The following CNTNAP5 variants were observed in gnomAD, a reference collection of about 807,000 sequenced individuals.
The protein encoded by CNTNAP5 is contactin associated protein family member 5.
CNTNAP5 carries 72 observed loss-of-function variants against 150.2 expected under a neutral mutation model. The ratio of observed to expected loss-of-function variants is 0.48; its 90% CI spans 0.40 to 0.58. CNTNAP5 has a LOEUF of 0.58. Among genes scored for constraint, CNTNAP5 ranks in the 20% least tolerant of loss-of-function variants. The probability of loss-of-function intolerance (pLI) is 0.00; values close to 1 mark genes in which losing one functional copy is unlikely to be tolerated. For missense variants in CNTNAP5, 1,636 were observed against 1,626.2 expected (o/e 1.01, Z -0.10); for synonymous variants, 672 against 619.8 (o/e 1.08, Z -1.25).
intron 21 of CNTNAP5, among the ~76,000 whole-genome samples, chr2:124,875,439 A>G (rs536579481): frequency 1.1e-3 from 166 of 152,156 alleles, no homozygotes; most frequent in African/African-American, 3.8e-3. Context: ...CTTTTTGGAG[A>G]CAAATTGACC....
At chr2:124,753,034 C>T (rs1680763360) in intron 14 of CNTNAP5, among the ~76,000 whole-genome samples, 1 of 152,166 alleles carries the variant, frequency 6.6e-6, no homozygotes, top group African/African-American at 2.4e-5. Flanking sequence ...GGCAGTAGAA[C>T]ATTCTTTTAT....
At chr2:124,283,234 A>G (rs559472978) in intron 3 of CNTNAP5, among the ~76,000 whole-genome samples, 1 of 152,080 alleles carries the variant, frequency 6.6e-6, no homozygotes, top group African/African-American at 2.4e-5. Context: ...GCTGGAGAGC[A>G]TTTTCCCCTC....
chr2:124,867,872 G>T (rs1228083293), intron 20 of CNTNAP5, among the ~76,000 whole-genome samples: 1 of 152,120 alleles, frequency 6.6e-6, no homozygotes, highest in Non-Finnish European at 1.5e-5. Context: ...TTAGGCATTG[G>T]AATATTTAAG....
chr2:124,636,076 C>A (rs1471299527), intron 12 of CNTNAP5, among the ~76,000 whole-genome samples: 1 of 152,100 alleles, frequency 6.6e-6, no homozygotes, highest in Non-Finnish European at 1.5e-5. Flanking sequence ...TGTAAAGCTC[C>A]TTTGAAAGTC....
intron 3 of CNTNAP5, among the ~76,000 whole-genome samples, chr2:124,411,078 A>G (rs1270734094): frequency 6.6e-6 from 1 of 152,232 alleles, no homozygotes; most frequent in Admixed American, 6.5e-5. Flanking sequence ...AATACAAACT[A>G]CCATCAGAGA....
At chr2:124,498,833 A>G (rs1694210010) in intron 7 of CNTNAP5, among the ~76,000 whole-genome samples, 1 of 152,164 alleles carries the variant, frequency 6.6e-6, no homozygotes, top group Non-Finnish European at 1.5e-5. Flanking sequence ...GATTCAGATG[A>G]TCCCCAAATC....
At chr2:124,101,078 T>A (rs73954554) in intron 1 of CNTNAP5, among the ~76,000 whole-genome samples, 1,529 of 152,208 alleles carry the variant, frequency 0.01, 25 homozygotes, top group African/African-American at 0.035. Context: ...TAGAACTTGG[T>A]CAACCCTTGA....
chr2:124,789,801 AC>A lies in CNTNAP5; in HGVS notation c.2753-100del. On this transcript the variant is annotated intron_variant, in intron 17 of 23. Transcript: ENST00000682447. ...AAAAAAATTAATTTAGACCTTCATGACAACAGAGAACTACTTAACTCTTACC... is the reference window on the plus strand; with the variant it reads ...AAAAAAATTAATTTAGACCTTCATGAAACAGAGAACTACTTAACTCTTACC... The A allele has an allele frequency of 2.8e-6, 3 of 1,062,540 alleles. No homozygotes were observed. In the South Asian group the frequency reaches 5.3e-5, roughly 19 times the overall value. The allele number at this position is 1,062,540 out of a possible 1,614,324, so 65.8% of individuals were successfully genotyped here.
intron 4 of CNTNAP5, among the ~76,000 whole-genome samples, chr2:124,424,900 G>A (rs1376544684): frequency 6.6e-6 from 1 of 152,188 alleles, no homozygotes; most frequent in African/African-American, 2.4e-5. Flanking sequence ...AAAATACACA[G>A]CTAACACTGT....
chr2:124,584,192 A>G (rs1185262372), intron 11 of CNTNAP5, among the ~76,000 whole-genome samples: 1 of 152,192 alleles, frequency 6.6e-6, no homozygotes, highest in Non-Finnish European at 1.5e-5. Context: ...CAAAATGCAT[A>G]ATGTTGTAAA....
At chr2:124,474,314 A>C (rs1693589341) in intron 6 of CNTNAP5, among the ~76,000 whole-genome samples, 2 of 152,062 alleles carry the variant, frequency 1.3e-5, no homozygotes, top group Non-Finnish European at 2.9e-5. Context: ...GGCTTTTTGC[A>C]TACAATATAG....
At chr2:124,394,056 T>C (rs1416133270) in intron 3 of CNTNAP5, among the ~76,000 whole-genome samples, 2 of 152,138 alleles carry the variant, frequency 1.3e-5, no homozygotes, top group Admixed American at 6.6e-5. Flanking sequence ...ATAGCTATTA[T>C]ATGTTTTCTG....
intron 17 of CNTNAP5, among the ~76,000 whole-genome samples, chr2:124,788,562 A>T (rs1280122174): frequency 6.6e-6 from 1 of 150,982 alleles, no homozygotes; most frequent in Non-Finnish European, 1.5e-5. Flanking sequence ...CAGGTATTGT[A>T]TTCTATGTTA....
At chr2:124,540,709 T>C (rs140972788) in intron 10 of CNTNAP5, among the ~76,000 whole-genome samples, 49 of 152,234 alleles carry the variant, frequency 3.2e-4, no homozygotes, top group Non-Finnish European at 6.2e-4. Context: ...CATTCTTTCA[T>C]CTCTTGTGTT....
At chr2:124,701,509 G>C (rs559803163) in intron 13 of CNTNAP5, among the ~76,000 whole-genome samples, 2 of 152,250 alleles carry the variant, frequency 1.3e-5, no homozygotes, top group South Asian at 4.2e-4. Flanking sequence ...ATCTTTATGA[G>C]ATGGTGATTC....
chr2:124,795,778 A>G (rs1007164148), intron 18 of CNTNAP5, among the ~76,000 whole-genome samples: 8 of 151,960 alleles, frequency 5.3e-5, no homozygotes, highest in African/African-American at 9.7e-5. Flanking sequence ...CGGCCTCCCA[A>G]TGTGTTGGGA....
chr2:124,263,676 G>A (rs1241954348), intron 3 of CNTNAP5, among the ~76,000 whole-genome samples: 1 of 152,082 alleles, frequency 6.6e-6, no homozygotes, highest in African/African-American at 2.4e-5. Flanking sequence ...GTCAATTTTG[G>A]CTTTTGTTGC....
rs145415081 is a variant in CNTNAP5, at chr2:124,306,892, T to C, written c.381+64499T>C. ...ACAGGTGCCTGCCACCACGCCTGGC[T>C]AATTTTTGTATTTTTAGTAGAGACG... On this transcript the variant is annotated intron_variant, in intron 3 of 23. Transcript: ENST00000682447. 2.6e-4 allele frequency among the ~76,000 whole-genome samples: 39 copies of C among 152,012 alleles called. 1 individual carries two copies. The highest frequency in any genetic ancestry group is 3.7e-4 in the Non-Finnish European group (25 of 67,972).
chr2:124,539,771 T>C (rs1695335631), intron 10 of CNTNAP5, among the ~76,000 whole-genome samples: 1 of 152,198 alleles, frequency 6.6e-6, no homozygotes, highest in South Asian at 2.1e-4. Context: ...AACCCATACA[T>C]AGGCAGAAAA....
Sources: allele counts gnomAD v4.1 joint callset (sites outside exome capture counted in the v4.1 genomes callset), GRCh38; gene constraint gnomAD v4.1.1; transcripts MANE v1.5; gene names NCBI Gene and HGNC (gene_info 2026-07-23, HGNC 2026-07-21).